Variants in ANO5 observed in about 807,000 individuals in gnomAD.
The protein encoded by ANO5 is anoctamin 5.
A neutral mutation model predicts 121.0 loss-of-function variants in ANO5; 109 were observed. The observed-to-expected ratio is 0.90, with a 90% CI of 0.77 to 1.06. The LOEUF is 1.06. Among genes scored for constraint, ANO5 ranks in the 50% least tolerant of loss-of-function variants. The pLI, the probability that ANO5 is intolerant of heterozygous loss-of-function variation, is 0.00. For synonymous variants in ANO5, 406 were observed against 359.9 expected (o/e 1.13, Z -1.45); for missense variants, 1,064 against 1,078.5 (o/e 0.99, Z 0.19).
intron 7 of ANO5, among the ~76,000 whole-genome samples, chr11:22,231,538 A>G (rs935915472): frequency 3.3e-5 from 5 of 151,934 alleles, no homozygotes; most frequent in Non-Finnish European, 4.4e-5. Context: ...TAATCTATCT[A>G]TTCATTTTAA....
chr11:22,249,516 TGAG>T (rs1853728528), intron 9 of ANO5, among the ~76,000 whole-genome samples: 1 of 152,210 alleles, frequency 6.6e-6, no homozygotes, highest in South Asian at 2.1e-4. Context: ...CCTGACTTTC[TGAG>T]GAGGAGAAAA....
chr11:22,232,941 G>C (rs527555816), intron 7 of ANO5, among the ~76,000 whole-genome samples: 117 of 152,020 alleles, frequency 7.7e-4, no homozygotes, highest in Non-Finnish European at 1.4e-3. Context: ...TCACATTCTA[G>C]AAAACTGTTT....
intron 7 of ANO5, among the ~76,000 whole-genome samples, chr11:22,231,948 T>A (rs1246628394): frequency 6.6e-6 from 1 of 151,960 alleles, no homozygotes; most frequent in Non-Finnish European, 1.5e-5. Flanking sequence ...TATCACAAGG[T>A]GAACACAGCC....
At chr11:22,211,173 A>G (rs1426404200) in intron 2 of ANO5, 91 bp from the exon 3 acceptor site, 11 of 1,329,712 alleles carry the variant, frequency 8.3e-6, no homozygotes, top group Non-Finnish European at 1.2e-5. Flanking sequence ...TTCTGCATAG[A>G]GATTACAGAG....
At chr11:22,207,086 A>G (rs1334646943) in intron 2 of ANO5, among the ~76,000 whole-genome samples, 1 of 152,064 alleles carries the variant, frequency 6.6e-6, no homozygotes, top group Non-Finnish European at 1.5e-5. Context: ...AGAAAATTAT[A>G]TAGAAATTAG....
intron 8 of ANO5, among the ~76,000 whole-genome samples, chr11:22,238,911 T>C (rs1344708583): frequency 6.6e-6 from 1 of 152,160 alleles, no homozygotes; most frequent in Non-Finnish European, 1.5e-5. Flanking sequence ...TATTCAGTGC[T>C]GCCTTCAGCA....
At chr11:22,201,216 G>A (rs916882697) in intron 1 of ANO5, among the ~76,000 whole-genome samples, 3 of 152,056 alleles carry the variant, frequency 2.0e-5, no homozygotes, top group African/African-American at 7.2e-5. Flanking sequence ...TTGTCAGCTC[G>A]CTCATTCAAT....
At chr11:22,236,937 T>G (rs1853243158) in intron 8 of ANO5, among the ~76,000 whole-genome samples, 1 of 152,196 alleles carries the variant, frequency 6.6e-6, no homozygotes. Context: ...ACATTTTACG[T>G]GATTCACCTG....
In ANO5 at chr11:22,221,093, G is replaced by A. The variant is rs186533442; in HGVS notation, c.181-4G>A. 18 of 1,595,570 alleles carry A rather than the reference G, an allele frequency of 1.1e-5. No homozygotes were observed. Among genetic ancestry groups the A allele is most frequent in the Non-Finnish European group, 1.5e-5 (17 of 1,164,204 alleles). ...TACAATTGTGTCATTTATGTCTCCT[G>A]CAGTTTCAAAAAAATCAGCAAAGCA... On this transcript the variant is annotated splice_region_variant and splice_polypyrimidine_tract_variant and intron_variant, in intron 4 of 21. Transcript: ENST00000324559.
At chr11:22,202,891 A>T (rs148531263) in intron 1 of ANO5, among the ~76,000 whole-genome samples, 1 of 152,186 alleles carries the variant, frequency 6.6e-6, no homozygotes, top group South Asian at 2.1e-4. Flanking sequence ...GTATAACTTC[A>T]TCTCTAGATC....
intron 1 of ANO5, among the ~76,000 whole-genome samples, chr11:22,199,117 A>G (rs892985649): frequency 6.6e-6 from 1 of 152,174 alleles, no homozygotes; most frequent in African/African-American, 2.4e-5. Context: ...ACATTTTAAG[A>G]GCAGATCCTG....
At chr11:22,279,414 ATCT>A (rs1854989984) in intron 21 of ANO5, 127 bp from the exon 22 acceptor site, 11 of 741,076 alleles carry the variant, frequency 1.5e-5, no homozygotes, top group Non-Finnish European at 2.3e-6. Context: ...CAGAGACCAT[ATCT>A]TCTTCCTTGC....
At chr11:22,250,104 A>T (rs1176247762) in intron 9 of ANO5, 133 bp from the exon 10 acceptor site, 1 of 772,012 alleles carries the variant, frequency 1.3e-6, no homozygotes, top group African/African-American at 1.8e-5. Context: ...AGAGTTGAGT[A>T]ACTTCACCAA....
chr11:22,194,121 G>C (rs1403127720), intron 1 of ANO5, among the ~76,000 whole-genome samples: 1 of 152,146 alleles, frequency 6.6e-6, no homozygotes, highest in East Asian at 1.9e-4. Flanking sequence ...TGCTGCTGTT[G>C]CTTTTCAACA....
intron 6 of ANO5, 100 bp downstream of exon 6, chr11:22,226,152 C>A: frequency 1.0e-6 from 1 of 952,896 alleles, no homozygotes; most frequent in Non-Finnish European, 1.7e-6. Flanking sequence ...GGGGGCAATA[C>A]AATAGCTCTT....
chr11:22,257,339 C>T (rs1435735310), intron 13 of ANO5, among the ~76,000 whole-genome samples: 6 of 152,070 alleles, frequency 3.9e-5, no homozygotes, highest in Admixed American at 1.3e-4. Context: ...ATTATAACAC[C>T]ATTAAACATC....
intron 3 of ANO5, among the ~76,000 whole-genome samples, chr11:22,212,059 A>C (rs755875446): frequency 1.3e-5 from 2 of 152,012 alleles, no homozygotes; most frequent in East Asian, 1.9e-4. Flanking sequence ...CAGATCAAAT[A>C]ACATTTAGAT....
intron 7 of ANO5, among the ~76,000 whole-genome samples, chr11:22,234,474 A>T (rs7950597): frequency 0.15 from 22,870 of 152,078 alleles, 5,018 homozygotes; most frequent in African/African-American, 0.48. Flanking sequence ...TAGCAGAATT[A>T]ATGTTGCTCT....
intron 9 of ANO5, among the ~76,000 whole-genome samples, chr11:22,243,026 T>C (rs1270536982): frequency 1.3e-5 from 2 of 152,088 alleles, no homozygotes; most frequent in Admixed American, 6.6e-5. Flanking sequence ...AGTATGATGT[T>C]GGTTGTGGGT....
Sources: gnomAD v4.1 joint callset for allele counts (sites outside exome capture counted in the v4.1 genomes callset) on GRCh38, gnomAD v4.1.1 for gene constraint, MANE v1.5 for transcripts, NCBI Gene and HGNC (gene_info 2026-07-23, HGNC 2026-07-21) for gene names.